Variants in MTCH2 observed in about 807,000 individuals in gnomAD.
MTCH2 encodes mitochondrial carrier 2.
A neutral mutation model predicts 50.6 loss-of-function variants in MTCH2; 25 were observed. The observed-to-expected ratio is 0.49, with a 90% confidence interval of 0.36 to 0.69. MTCH2 has a LOEUF of 0.69. MTCH2 is among the 30% of genes least tolerant of loss of function. The pLI, the probability that MTCH2 is intolerant of heterozygous loss-of-function variation, is 0.00. For missense variants in MTCH2, 273 were observed against 384.4 expected (o/e 0.71, Z 2.42); for synonymous variants, 106 against 132.0 (o/e 0.80, Z 1.35).
chr11:47,621,163 T>G (rs1053054446), intron 12 of MTCH2, among the ~76,000 whole-genome samples: 1 of 152,208 alleles, frequency 6.6e-6, no homozygotes, highest in Non-Finnish European at 1.5e-5. Flanking sequence ...CATTCAAGTA[T>G]TCAAGCTTGG....
chr11:47,635,602 G>T, intron 3 of MTCH2, 31 bp from the exon 4 acceptor site: 4 of 1,591,078 alleles, frequency 2.5e-6, no homozygotes, highest in Non-Finnish European at 3.4e-6. Context: ...GATGATTAGG[G>T]TTATTACAGT....
chr11:47,608,267 C>T, the MTCH2 span, among the ~76,000 whole-genome samples: 1 of 152,192 alleles, frequency 6.6e-6, no homozygotes, highest in Non-Finnish European at 1.5e-5. Context: ...TTGACTCTGA[C>T]TATGCTGAAT....
chr11:47,622,274 T>A (rs1236316427), intron 12 of MTCH2, among the ~76,000 whole-genome samples: 1 of 152,166 alleles, frequency 6.6e-6, no homozygotes, highest in Non-Finnish European at 1.5e-5. Context: ...GGCAAAATCA[T>A]CCACTAACAA....
intron 2 of MTCH2, 36 bp from the exon 3 acceptor site, chr11:47,638,841 G>T (rs780964413): frequency 6.5e-7 from 1 of 1,549,554 alleles, no homozygotes; most frequent in East Asian, 2.3e-5. Context: ...TCAAGTTCTG[G>T]TCAAGAGAAA....
chr11:47,623,613 C>T (rs2097295334), intron 11 of MTCH2, among the ~76,000 whole-genome samples: 1 of 152,044 alleles, frequency 6.6e-6, no homozygotes, highest in African/African-American at 2.4e-5. Context: ...TCACAGCTTG[C>T]CAGGAGTAAC....
chr11:47,627,644 T>G (rs2097299321), intron 9 of MTCH2, among the ~76,000 whole-genome samples: 1 of 151,300 alleles, frequency 6.6e-6, no homozygotes, highest in Non-Finnish European at 1.5e-5. Context: ...TTTTTTTTTT[T>G]GAGACAGGAT....
intron 11 of MTCH2, among the ~76,000 whole-genome samples, chr11:47,623,126 T>A (rs1490373077): frequency 1.3e-5 from 2 of 151,658 alleles, no homozygotes; most frequent in Non-Finnish European, 2.9e-5. Flanking sequence ...ATTCCAGCAC[T>A]TTGGGAGGCC....
chr11:47,634,627 C>T lies in MTCH2; in HGVS notation c.369+45G>A, dbSNP rs774035039. 4 of 1,449,698 alleles carry T rather than the reference C, an allele frequency of 2.8e-6. No homozygotes were observed. The East Asian group carries it at 6.8e-5, about 25-fold the overall frequency. The allele number at this position is 1,449,698 out of a possible 1,614,324, so 89.8% of individuals were successfully genotyped here. On this transcript the variant is annotated intron_variant, in intron 5 of 12. Coordinates refer to ENST00000302503, the MANE Select transcript of MTCH2 (RefSeq NM_014342.4). ...TTCTGATTCCATAGTTGCAACACCA[C>T]AGTTTGATCTGGGCAAACAGCACAG...
chr11:47,632,650 G>T (rs1013752152), intron 5 of MTCH2, among the ~76,000 whole-genome samples: 1 of 150,638 alleles, frequency 6.6e-6, no homozygotes, highest in East Asian at 2.0e-4. Context: ...GAGCCACCGT[G>T]CCTGGCCGGC....
chr11:47,621,859 C>T (rs2097293589), intron 12 of MTCH2, among the ~76,000 whole-genome samples: 1 of 151,784 alleles, frequency 6.6e-6, no homozygotes, highest in South Asian at 2.1e-4. Context: ...AGCCACCATA[C>T]CTAGCCGTTA....
In MTCH2 at chr11:47,634,723, A is replaced by G; in HGVS notation, c.318T>C (p.Pro106=). The change falls in exon 5 of 13, where the codon CCT becomes CCC. Residue 106 remains proline, a synonymous_variant. Transcript: ENST00000302503. ...QESDKGEELG[P]GNVQKEVSSS... ...ATGAGACTTCTTTCTGTACATTTCC[A>G]GGTCCTAACTCCTGGAAATCAAAAT... is the stretch of plus-strand genomic sequence containing the variant. 6.2e-7 allele frequency: 1 copy of G among 1,600,760 alleles called. No homozygotes were observed. Among genetic ancestry groups the G allele is most frequent in the Non-Finnish European group, 8.5e-7 (1 of 1,171,118 alleles).
intron 10 of MTCH2, among the ~76,000 whole-genome samples, chr11:47,626,470 G>A (rs1426122153): frequency 6.6e-6 from 1 of 151,644 alleles, no homozygotes; most frequent in Admixed American, 6.6e-5. Flanking sequence ...CACCATGTCT[G>A]GCCTGAACAA....
At chr11:47,629,075 C>T (rs370389343) in intron 8 of MTCH2, 29 bp from the exon 9 acceptor site, 10 of 1,564,888 alleles carry the variant, frequency 6.4e-6, no homozygotes, top group Middle Eastern at 1.7e-4. Context: ...AAAATAAGAA[C>T]CAAAAAATGT....
chr11:47,634,346 C>T (rs151048676), intron 5 of MTCH2, among the ~76,000 whole-genome samples: 26 of 152,268 alleles, frequency 1.7e-4, no homozygotes, highest in African/African-American at 6.3e-4. Flanking sequence ...TCCCAAAGTG[C>T]TGGGATTACA....
chr11:47,626,842 A>C (rs2097298668), intron 10 of MTCH2, among the ~76,000 whole-genome samples: 1 of 151,674 alleles, frequency 6.6e-6, no homozygotes, highest in African/African-American at 2.4e-5. Flanking sequence ...CGAACTCCTG[A>C]CCTCAGGTGA....
chr11:47,634,604 C>G, intron 5 of MTCH2, 68 bp downstream of exon 5: 4 of 1,239,588 alleles, frequency 3.2e-6, no homozygotes, highest in Non-Finnish European at 4.7e-6. Flanking sequence ...CCTGATGATT[C>G]TGATTCCATA....
Position 47,642,520 on chromosome 11 carries a change from A to G in MTCH2, c.-55T>C. 6.6e-7 allele frequency: 1 copy of G among 1,513,454 alleles called. No individual in the cohort carries two copies. Among genetic ancestry groups the G allele is most frequent in the Non-Finnish European group, 8.9e-7 (1 of 1,120,804 alleles). 93.8% of individuals were successfully genotyped at this position (1,513,454 alleles called of 1,614,324 possible). ...GACGGAGCCACCAAGCGACCCGGTG[A>G]GCCGGTCCTAGGTCACGTGCCAGGG... On this transcript the variant is annotated 5_prime_UTR_variant, in exon 1 of 13. Coordinates refer to ENST00000302503, the MANE Select transcript of MTCH2 (RefSeq NM_014342.4).
chr11:47,623,094 G>A (rs920350909), intron 11 of MTCH2, among the ~76,000 whole-genome samples: 5 of 150,432 alleles, frequency 3.3e-5, no homozygotes, highest in African/African-American at 1.2e-4. Flanking sequence ...AAGGTGGCCG[G>A]GCACGGTGGC....
chr11:47,633,526 A>ATATATATATTTTTTTTT (rs1378774715), intron 5 of MTCH2, among the ~76,000 whole-genome samples: 4 of 35,078 alleles, frequency 1.1e-4, no homozygotes, highest in Non-Finnish European at 2.3e-4. Flanking sequence ...ATATATATAT[A>ATATATATATTTTTTTTT]TTTTTTTTTT....
Sources: allele counts gnomAD v4.1 joint callset (sites outside exome capture counted in the v4.1 genomes callset), GRCh38; gene constraint gnomAD v4.1.1; transcripts MANE v1.5; gene names NCBI Gene and HGNC (gene_info 2026-07-23, HGNC 2026-07-21).